The following ARL15 variants were observed in gnomAD, a reference collection of about 807,000 sequenced individuals.
ARL15 encodes ADP-ribosylation factor-like protein 15.
ARL15 carries 19 observed loss-of-function variants against 25.2 expected under a neutral mutation model. The ratio of observed to expected loss-of-function variants is 0.75; its 90% CI spans 0.53 to 1.10. ARL15 has a LOEUF of 1.10. Among genes scored for constraint, ARL15 ranks in the 50% least tolerant of loss-of-function variants. ARL15 has a pLI of 0.00. For missense variants in ARL15, 220 were observed against 246.0 expected, an observed-to-expected ratio of 0.89 and a Z score of 0.71; for synonymous variants, 94 against 86.8, an observed-to-expected ratio of 1.08 and a Z score of -0.46.
At chr5:54,010,597 A>C (rs1749203300) in intron 4 of ARL15, among the ~76,000 whole-genome samples, 1 of 152,220 alleles carries the variant, frequency 6.6e-6, no homozygotes, top group Non-Finnish European at 1.5e-5. Context: ...CCTGCAATAC[A>C]AAGCCCAAGA....
At chr5:54,007,638 C>G (rs1401244142) in intron 4 of ARL15, among the ~76,000 whole-genome samples, 1 of 152,142 alleles carries the variant, frequency 6.6e-6, no homozygotes, top group Non-Finnish European at 1.5e-5. Context: ...AAAACCCCGT[C>G]TCTACTAAAA....
chr5:54,277,451 G>A (rs144206152), intron 1 of ARL15, among the ~76,000 whole-genome samples: 68 of 152,260 alleles, frequency 4.5e-4, no homozygotes, highest in Middle Eastern at 3.4e-3. Flanking sequence ...CTAGTAAAAC[G>A]CGTTCAATAA....
intron 1 of ARL15, among the ~76,000 whole-genome samples, chr5:54,254,740 C>T (rs945110321): frequency 6.7e-6 from 1 of 150,236 alleles, no homozygotes; most frequent in Non-Finnish European, 1.5e-5. Flanking sequence ...CTGGCACAGC[C>T]TTGCTTTCCT....
At chr5:53,910,586 C>A (rs1418303417) in intron 4 of ARL15, among the ~76,000 whole-genome samples, 1 of 141,078 alleles carries the variant, frequency 7.1e-6, no homozygotes, top group African/African-American at 2.7e-5. Context: ...GACAAACCTG[C>A]ACGTTGTGCA....
intron 4 of ARL15, among the ~76,000 whole-genome samples, chr5:54,020,737 A>G (rs748259662): frequency 3.3e-5 from 5 of 151,524 alleles, no homozygotes; most frequent in Admixed American, 6.6e-5. Flanking sequence ...CCGGGAGGTC[A>G]GGAGTTCAAG....
intron 3 of ARL15, among the ~76,000 whole-genome samples, chr5:54,146,472 T>A (rs1753915707): frequency 6.6e-6 from 1 of 152,248 alleles, no homozygotes; most frequent in South Asian, 2.1e-4. Context: ...ATCCCATGGC[T>A]TGTTTTGTTA....
chr5:54,159,988 C>T, intron 2 of ARL15, among the ~76,000 whole-genome samples: 1 of 152,230 alleles, frequency 6.6e-6, no homozygotes, highest in Non-Finnish European at 1.5e-5. Context: ...ACTAAACCCT[C>T]CTCCCCTTCC....
intron 4 of ARL15, among the ~76,000 whole-genome samples, chr5:54,092,597 G>C (rs1436268481): frequency 2.6e-5 from 4 of 152,076 alleles, no homozygotes; most frequent in Non-Finnish European, 5.9e-5. Flanking sequence ...CTGGATATAG[G>C]GGCTATTAAC....
chr5:53,976,395 G>C (rs1747924008), intron 4 of ARL15, among the ~76,000 whole-genome samples: 1 of 152,220 alleles, frequency 6.6e-6, no homozygotes, highest in Admixed American at 6.5e-5. Context: ...AGCCAGAGTG[G>C]CTGGAAATAA....
rs74952390 is a variant in ARL15, at chr5:54,053,349, A to G, written c.462+59853T>C. ...TCAACAAATAAATGGGGTAGAAGAGATAAACCTACTATGTAGAAAAATTCC... is the reference window on the plus strand; with the variant it reads ...TCAACAAATAAATGGGGTAGAAGAGGTAAACCTACTATGTAGAAAAATTCC... On this transcript the variant is annotated intron_variant, in intron 4 of 4. Transcript: ENST00000504924. 2.3e-3 allele frequency among the ~76,000 whole-genome samples: 346 copies of G among 152,362 alleles called. 7 individuals carry two copies. In the East Asian group the frequency reaches 0.052, roughly 23 times the overall value.
intron 4 of ARL15, among the ~76,000 whole-genome samples, chr5:54,018,106 A>T (rs1749482851): frequency 6.6e-6 from 1 of 152,192 alleles, no homozygotes; most frequent in Admixed American, 6.5e-5. Flanking sequence ...TTTAAAAAAT[A>T]TCTGGATTCA....
At chr5:54,198,677 C>T (rs956382755) in intron 1 of ARL15, among the ~76,000 whole-genome samples, 1 of 151,042 alleles carries the variant, frequency 6.6e-6, no homozygotes, top group African/African-American at 2.4e-5. Context: ...ACATTCCATG[C>T]TCATGGGTAG....
intron 4 of ARL15, among the ~76,000 whole-genome samples, chr5:54,106,859 A>T: frequency 6.6e-6 from 1 of 152,116 alleles, no homozygotes; most frequent in East Asian, 1.9e-4. Flanking sequence ...AAATTCTAAT[A>T]TTATGATTTG....
chr5:54,221,379 A>G, intron 1 of ARL15, among the ~76,000 whole-genome samples: 1 of 152,228 alleles, frequency 6.6e-6, no homozygotes, highest in Non-Finnish European at 1.5e-5. Context: ...TTGATGTAAC[A>G]TAGTTGAAGA....
At chr5:54,098,477 A>T (rs925479050) in intron 4 of ARL15, among the ~76,000 whole-genome samples, 1 of 152,140 alleles carries the variant, frequency 6.6e-6, no homozygotes, top group Non-Finnish European at 1.5e-5. Flanking sequence ...ATTAGATCAC[A>T]GGTTAGTCAA....
chr5:54,287,780 C>T (rs1758219781), intron 1 of ARL15, among the ~76,000 whole-genome samples: 1 of 152,088 alleles, frequency 6.6e-6, no homozygotes, highest in Non-Finnish European at 1.5e-5. Flanking sequence ...GCCTCCCCAC[C>T]CTTTTAGATG....
chr5:54,207,328 C>T (rs1211770081), intron 1 of ARL15, among the ~76,000 whole-genome samples: 4 of 152,202 alleles, frequency 2.6e-5, no homozygotes, highest in Admixed American at 6.5e-5. Flanking sequence ...TACTTCACCC[C>T]CAATGTTACC....
intron 3 of ARL15, among the ~76,000 whole-genome samples, chr5:54,126,606 AG>A (rs1753261106): frequency 6.6e-6 from 1 of 152,162 alleles, no homozygotes; most frequent in Admixed American, 6.6e-5. Flanking sequence ...GTTGGGGGGT[AG>A]GGCCTAATAG....
At chr5:53,905,469 C>T (rs906765011) in intron 4 of ARL15, among the ~76,000 whole-genome samples, 1 of 151,926 alleles carries the variant, frequency 6.6e-6, no homozygotes, top group African/African-American at 2.4e-5. Flanking sequence ...TAAAATATTT[C>T]CTAAATAGAA....
Sources: gnomAD v4.1 joint callset for allele counts (sites outside exome capture counted in the v4.1 genomes callset) on GRCh38, gnomAD v4.1.1 for gene constraint, MANE v1.5 for transcripts, NCBI Gene and HGNC (gene_info 2026-07-23, HGNC 2026-07-21) for gene names.